Variants in TNS3 observed in about 807,000 individuals in gnomAD.
TNS3 encodes the protein tensin 3.
TNS3 carries 45 observed loss-of-function variants against 140.9 expected under a neutral mutation model. The observed-to-expected ratio is 0.32, with a 90% confidence interval of 0.25 to 0.41. The LOEUF (loss-of-function observed/expected upper bound fraction) is 0.41. Among genes scored for constraint, TNS3 ranks in the 10% least tolerant of loss-of-function variants. The probability of loss-of-function intolerance (pLI) is 1.00; values close to 1 mark genes in which losing one functional copy is unlikely to be tolerated. For missense variants in TNS3, 1,716 were observed against 1,906.7 expected (o/e 0.90, Z 1.86); for synonymous variants, 815 against 788.4 (o/e 1.03, Z -0.56).
intron 1 of TNS3, among the ~76,000 whole-genome samples, chr7:47,568,269 G>A (rs998286740): frequency 3.3e-5 from 5 of 152,158 alleles, no homozygotes; most frequent in East Asian, 1.9e-4. Flanking sequence ...AGCAGGCCAC[G>A]GGATCGTCTT....
chr7:47,477,537 C>A (rs949543996), intron 4 of TNS3, among the ~76,000 whole-genome samples: 1 of 152,130 alleles, frequency 6.6e-6, no homozygotes, highest in African/African-American at 2.4e-5. Flanking sequence ...GTGGGAGTTT[C>A]TTCAGTTTTC....
intron 2 of TNS3, among the ~76,000 whole-genome samples, chr7:47,518,280 G>A (rs201823715): frequency 1.3e-4 from 20 of 152,226 alleles, no homozygotes; most frequent in Middle Eastern, 3.4e-3. Flanking sequence ...CTGTGCGCCC[G>A]TGTGGCACAG....
chr7:47,351,226 C>T (rs1243844790), intron 17 of TNS3, among the ~76,000 whole-genome samples: 2 of 152,304 alleles, frequency 1.3e-5, no homozygotes, highest in African/African-American at 4.8e-5. Flanking sequence ...CCCAAACTCA[C>T]GTGTTTGATC....
Position 47,368,488 on chromosome 7 carries a change from T to G in TNS3, c.2158A>C (p.Met720Leu), listed in dbSNP as rs755592495. 1 of 1,594,126 alleles carries G rather than the reference T, an allele frequency of 6.3e-7. No homozygotes were observed. The highest frequency in any genetic ancestry group is 8.6e-7 in the Non-Finnish European group (1 of 1,165,290). ...DPTFEPIPTH[M>L]NALGSQANGS... ...TTGGCCTGGCTACCGAGGGCGTTCA[T>G]GTGGGTAGGGATGGGCTCGAAGGTG... Residue 720 changes from methionine (M) to leucine (L), a missense_variant, in exon 17 of 31, where the codon ATG (methionine) becomes CTG (leucine). Met to Leu is a conservative substitution (Grantham distance 15). Around this residue, in one of 3 missense-constraint regions of TNS3, gnomAD observed 1,163 missense variants for 1,182.1 expected, o/e 0.98. Coordinates refer to ENST00000311160, the MANE Select transcript of TNS3 (RefSeq NM_022748.12).
intron 3 of TNS3, among the ~76,000 whole-genome samples, chr7:47,503,050 T>G (rs1299532543): frequency 6.6e-6 from 1 of 152,180 alleles, no homozygotes; most frequent in Non-Finnish European, 1.5e-5. Context: ...CGGGACCCTG[T>G]GCAGGGCATC....
At chr7:47,509,996 A>G (rs773557890) in intron 2 of TNS3, among the ~76,000 whole-genome samples, 1 of 152,220 alleles carries the variant, frequency 6.6e-6, no homozygotes, top group Non-Finnish European at 1.5e-5. Context: ...TAATACACTC[A>G]GCACCTAAAA....
intron 4 of TNS3, among the ~76,000 whole-genome samples, chr7:47,465,152 A>AT (rs1796652971): frequency 6.6e-6 from 1 of 152,228 alleles, no homozygotes; most frequent in Non-Finnish European, 1.5e-5. Context: ...AAGTGTTACT[A>AT]TTTTACAAAG....
intron 28 of TNS3, among the ~76,000 whole-genome samples, chr7:47,282,023 G>A (rs1785171771): frequency 6.6e-6 from 1 of 151,262 alleles, no homozygotes; most frequent in Non-Finnish European, 1.5e-5. Context: ...CCCTGAGCCT[G>A]ACCCTGAGCC....
At chr7:47,386,422 C>A (rs988167876) in intron 16 of TNS3, among the ~76,000 whole-genome samples, 6 of 152,264 alleles carry the variant, frequency 3.9e-5, no homozygotes, top group Non-Finnish European at 8.8e-5. Context: ...GGATTTAAAT[C>A]TGGGCTCCCA....
chr7:47,579,150 A>G (rs1308299386), intron 1 of TNS3: 2 of 152,020 alleles, frequency 1.3e-5, no homozygotes, highest in Non-Finnish European at 2.9e-5. Context: ...TCAACCACCT[A>G]CTTAATTAAC....
chr7:47,279,811 C>T (rs1196965893), intron 30 of TNS3: 1 of 306,110 alleles, frequency 3.3e-6, no homozygotes, highest in Non-Finnish European at 6.0e-6. Context: ...GCTTCATCCA[C>T]ACACCTGCAC....
chr7:47,346,734 C>T (rs192923144), intron 17 of TNS3, among the ~76,000 whole-genome samples: 1 of 152,218 alleles, frequency 6.6e-6, no homozygotes, highest in African/African-American at 2.4e-5. Flanking sequence ...CCACATGCCA[C>T]CCCTGGTGTC....
At chr7:47,349,231 T>TA (rs1203262962) in intron 17 of TNS3, among the ~76,000 whole-genome samples, 1 of 152,086 alleles carries the variant, frequency 6.6e-6, no homozygotes, top group East Asian at 1.9e-4. Flanking sequence ...AATCTTCATT[T>TA]AAAAAAAGTC....
intron 4 of TNS3, among the ~76,000 whole-genome samples, chr7:47,480,660 A>AAC (rs10648170): frequency 0.18 from 26,928 of 151,792 alleles, 2,612 homozygotes; most frequent in Non-Finnish European, 0.23. Context: ...ATCTGATTTG[A>AAC]ACACACACAC....
At chr7:47,332,515 G>C (rs879753809) in intron 20 of TNS3, among the ~76,000 whole-genome samples, 4 of 152,218 alleles carry the variant, frequency 2.6e-5, no homozygotes, top group Non-Finnish European at 5.9e-5. Context: ...GGCTGCTTCA[G>C]AAGGGACCCC....
chr7:47,389,185 AG>A, intron 16 of TNS3, among the ~76,000 whole-genome samples: 1 of 15,898 alleles, frequency 6.3e-5, no homozygotes, highest in African/African-American at 1.3e-4. Context: ...CAGAAGAAGC[AG>A]AAGAAGAAGA....
intron 2 of TNS3, among the ~76,000 whole-genome samples, chr7:47,521,294 T>G (rs1307419094): frequency 6.6e-6 from 1 of 152,180 alleles, no homozygotes; most frequent in Non-Finnish European, 1.5e-5. Context: ...CTGTTCCTGC[T>G]CACTACTCCA....
At chr7:47,326,623 C>T (rs1013080307) in intron 20 of TNS3, among the ~76,000 whole-genome samples, 6 of 152,032 alleles carry the variant, frequency 3.9e-5, no homozygotes, top group African/African-American at 1.4e-4. Context: ...GGGAGAAAAT[C>T]ACCCCTCTCT....
At chr7:47,531,899 C>T (rs1214632290) in intron 1 of TNS3, among the ~76,000 whole-genome samples, 1 of 152,224 alleles carries the variant, frequency 6.6e-6, no homozygotes, top group Non-Finnish European at 1.5e-5. Context: ...CCCCGGGGTG[C>T]AGCTGCAGCC....
Sources: allele counts gnomAD v4.1 joint callset (sites outside exome capture counted in the v4.1 genomes callset), GRCh38; gene constraint gnomAD v4.1.1; regional missense constraint gnomAD v4.1.1; transcripts MANE v1.5; gene names NCBI Gene and HGNC (gene_info 2026-07-23, HGNC 2026-07-21).